The following ATOSA variants were observed in gnomAD, a reference collection of about 807,000 sequenced individuals.
ATOSA encodes the protein atos homolog protein A.
At chr15:52,698,299 T>C in the ATOSA span, among the ~76,000 whole-genome samples, 1 of 152,078 alleles carries the variant, frequency 6.6e-6, no homozygotes, top group South Asian at 2.1e-4. Flanking sequence ...GAATTCTTAT[T>C]TGTGGCTGGG....
the ATOSA span, among the ~76,000 whole-genome samples, chr15:52,614,277 T>C: frequency 1.3e-5 from 2 of 151,790 alleles, no homozygotes; most frequent in African/African-American, 4.8e-5. Context: ...GGCTATTTTT[T>C]GTATTTTTAG....
At chr15:52,637,330 A>C in the ATOSA span, among the ~76,000 whole-genome samples, 1 of 152,120 alleles carries the variant, frequency 6.6e-6, no homozygotes, top group Non-Finnish European at 1.5e-5. Context: ...AGACAAAAGA[A>C]TGAGGAATAA....
the ATOSA span, among the ~76,000 whole-genome samples, chr15:52,632,274 T>A: frequency 2.7e-4 from 41 of 152,356 alleles, no homozygotes; most frequent in African/African-American, 9.4e-4. Context: ...TAAGAGATGA[T>A]CTATTGCTTG....
chr15:52,696,190 C>T, the ATOSA span, among the ~76,000 whole-genome samples: 1 of 152,156 alleles, frequency 6.6e-6, no homozygotes, highest in South Asian at 2.1e-4. Context: ...CAGGTAAGAG[C>T]TAGTGTGGCT....
the ATOSA span, among the ~76,000 whole-genome samples, chr15:52,675,985 T>C: frequency 3.3e-5 from 5 of 151,582 alleles, no homozygotes; most frequent in Non-Finnish European, 7.4e-5. Flanking sequence ...GCTCAGAGAC[T>C]AAAAGCAGGA....
the ATOSA span, among the ~76,000 whole-genome samples, chr15:52,588,368 CTCAATAACCAGGATGA>C: frequency 6.6e-6 from 1 of 152,114 alleles, no homozygotes; most frequent in East Asian, 1.9e-4. Flanking sequence ...GTAAAAGTTT[CTCAATAACCAGGATGA>C]TCAATAACCA....
the ATOSA span, among the ~76,000 whole-genome samples, chr15:52,674,210 C>T: frequency 3.3e-5 from 5 of 151,968 alleles, no homozygotes; most frequent in Admixed American, 2.6e-4. Context: ...TACACTAAGA[C>T]CACATTTTAT....
At chr15:52,672,421 T>C in the ATOSA span, among the ~76,000 whole-genome samples, 1 of 151,974 alleles carries the variant, frequency 6.6e-6, no homozygotes, top group Admixed American at 6.5e-5. Context: ...AAAGATAGAA[T>C]TAACTATTAA....
At chr15:52,607,925 C>T in the ATOSA span, among the ~76,000 whole-genome samples, 2 of 152,118 alleles carry the variant, frequency 1.3e-5, no homozygotes, top group Middle Eastern at 3.2e-3. Flanking sequence ...CTGTTGCCCA[C>T]ACTGGAATGC....
chr15:52,646,535 A>C, the ATOSA span, among the ~76,000 whole-genome samples: 1 of 152,162 alleles, frequency 6.6e-6, no homozygotes, highest in African/African-American at 2.4e-5. Context: ...TCTAGAACGT[A>C]GGAGTCCACA....
chr15:52,694,626 G>A, the ATOSA span, among the ~76,000 whole-genome samples: 1 of 151,802 alleles, frequency 6.6e-6, no homozygotes, highest in African/African-American at 2.4e-5. Flanking sequence ...TTGAGCCCAG[G>A]AGTCCGAATA....
chr15:52,661,542 TAGTGACAG>T, the ATOSA span, among the ~76,000 whole-genome samples: 1 of 152,242 alleles, frequency 6.6e-6, no homozygotes, highest in African/African-American at 2.4e-5. Context: ...CTGTGGTTTC[TAGTGACAG>T]AGTGATTTTG....
chr15:52,694,160 A>G, the ATOSA span, among the ~76,000 whole-genome samples: 2 of 109,266 alleles, frequency 1.8e-5, no homozygotes, highest in Non-Finnish European at 3.8e-5. Flanking sequence ...ATATATAGAT[A>G]TATATATATT....
the ATOSA span, among the ~76,000 whole-genome samples, chr15:52,646,982 A>G: frequency 6.6e-5 from 10 of 152,304 alleles, no homozygotes; most frequent in Admixed American, 4.6e-4. Context: ...TGCATTACCC[A>G]AAAACATATA....
At chr15:52,652,442 A>G in the ATOSA span, among the ~76,000 whole-genome samples, 1 of 152,200 alleles carries the variant, frequency 6.6e-6, no homozygotes, top group East Asian at 1.9e-4. Context: ...CTGAAAATGT[A>G]TAAATACAAA....
chr15:52,638,899 G>T, the ATOSA span, among the ~76,000 whole-genome samples: 1 of 151,864 alleles, frequency 6.6e-6, no homozygotes, highest in African/African-American at 2.4e-5. Flanking sequence ...CTTATTTTGT[G>T]CAGTTTTAAA....
At chr15:52,642,497 T>A in the ATOSA span, among the ~76,000 whole-genome samples, 1 of 152,232 alleles carries the variant, frequency 6.6e-6, no homozygotes, top group Non-Finnish European at 1.5e-5. Flanking sequence ...TAGAATCCCA[T>A]TTATTGTTAG....
the ATOSA span, among the ~76,000 whole-genome samples, chr15:52,636,751 C>T: frequency 1.3e-5 from 2 of 152,188 alleles, no homozygotes; most frequent in East Asian, 1.9e-4. Flanking sequence ...TCCATCTTTG[C>T]TATTCTTTCC....
chr15:52,676,009 A>G, the ATOSA span, among the ~76,000 whole-genome samples: 1 of 152,192 alleles, frequency 6.6e-6, no homozygotes, highest in African/African-American at 2.4e-5. Flanking sequence ...TTAAAAGGTG[A>G]CAAGGATAAA....
Sources: allele counts gnomAD v4.1 joint callset (sites outside exome capture counted in the v4.1 genomes callset), GRCh38; gene constraint gnomAD v4.1.1; transcripts MANE v1.5; gene names NCBI Gene and HGNC (gene_info 2026-07-23, HGNC 2026-07-21).